The following GAB1 variants were observed in gnomAD, a reference collection of about 807,000 sequenced individuals.
GAB1 encodes GRB2-associated-binding protein 1.
Under a neutral mutation model 66.5 loss-of-function variants are expected in GAB1, and 19 were observed. That is an observed-to-expected ratio of 0.29 (90% CI 0.20 to 0.42). GAB1 has a LOEUF of 0.42. Ranked by LOEUF, GAB1 falls within the 10% of genes least tolerant of loss-of-function variation. The probability of loss-of-function intolerance (pLI) is 1.00; values close to 1 mark genes in which losing one functional copy is unlikely to be tolerated. For missense variants in GAB1, 732 were observed against 858.5 expected, an observed-to-expected ratio of 0.85 and a Z score of 1.84; for synonymous variants, 294 against 301.4, an observed-to-expected ratio of 0.98 and a Z score of 0.25.
At chr4:143,414,616 C>G (rs1392195232) in intron 1 of GAB1, among the ~76,000 whole-genome samples, 1 of 152,134 alleles carries the variant, frequency 6.6e-6, no homozygotes, top group Non-Finnish European at 1.5e-5. Flanking sequence ...GCTTCCCAGT[C>G]AAGAAGCCAG....
chr4:143,382,303 T>C (rs917780042), intron 1 of GAB1, among the ~76,000 whole-genome samples: 6 of 152,238 alleles, frequency 3.9e-5, no homozygotes, highest in Non-Finnish European at 8.8e-5. Flanking sequence ...ATTATAGATA[T>C]ATTCTAAAAC....
intron 1 of GAB1, among the ~76,000 whole-genome samples, chr4:143,414,957 T>C (rs1304780687): frequency 6.6e-6 from 1 of 152,196 alleles, no homozygotes. Flanking sequence ...CATTAAATAC[T>C]GTAATAACTC....
chr4:143,433,868 T>G lies in GAB1; in HGVS notation c.593+152T>G. The G allele has an allele frequency of 5.9e-6, 4 of 680,742 alleles. No homozygotes were observed. In the South Asian group the frequency reaches 7.8e-5, roughly 13 times the overall value. 42.2% of individuals were successfully genotyped at this position (680,742 alleles called of 1,614,324 possible). A position where few individuals can be genotyped will look rare whatever the true frequency, so the allele number is the denominator to read the frequency against. Reference sequence around the variant, plus strand: ...TATGTTTCAGGCTTTATATTTCAGGTTTACATTCCCCTATTGATTTCCGAT... The same window carrying G: ...TATGTTTCAGGCTTTATATTTCAGGGTTACATTCCCCTATTGATTTCCGAT... On this transcript the variant is annotated intron_variant, in intron 3 of 9. Coordinates refer to ENST00000262994, the MANE Select transcript of GAB1 (RefSeq NM_002039.4).
chr4:143,463,747 A>T (rs1005560457), intron 8 of GAB1, among the ~76,000 whole-genome samples: 2 of 152,226 alleles, frequency 1.3e-5, no homozygotes, highest in Admixed American at 6.5e-5. Context: ...GTGAAAGGCT[A>T]GAATACAGAC....
chr4:143,337,328 G>A, intron 1 of GAB1, 68 bp downstream of exon 1: 1 of 1,381,732 alleles, frequency 7.2e-7, no homozygotes, highest in East Asian at 2.5e-5. Context: ...CGGCTCGCCG[G>A]CGGCTGCAGC....
chr4:143,371,644 T>C (rs1730125877), intron 1 of GAB1, among the ~76,000 whole-genome samples: 1 of 152,214 alleles, frequency 6.6e-6, no homozygotes, highest in Admixed American at 6.5e-5. Flanking sequence ...TTCTGAATGG[T>C]ATTGCGTAGG....
At chr4:143,403,916 A>G (rs1337977131) in intron 1 of GAB1, among the ~76,000 whole-genome samples, 6 of 152,218 alleles carry the variant, frequency 3.9e-5, no homozygotes, top group African/African-American at 1.4e-4. Context: ...TTAAGAAGAA[A>G]ATGATATTTA....
At chr4:143,370,259 C>T (rs944765114) in intron 1 of GAB1, among the ~76,000 whole-genome samples, 1 of 152,206 alleles carries the variant, frequency 6.6e-6, no homozygotes, top group Non-Finnish European at 1.5e-5. Context: ...GTACAAATGG[C>T]TGCCTTATAG....
intron 1 of GAB1, among the ~76,000 whole-genome samples, chr4:143,339,591 G>A (rs1345924051): frequency 6.6e-6 from 1 of 152,226 alleles, no homozygotes; most frequent in Non-Finnish European, 1.5e-5. Flanking sequence ...ATACAAGAAT[G>A]AGGTGGACTA....
At chr4:143,360,445 T>G (rs1349982801) in intron 1 of GAB1, among the ~76,000 whole-genome samples, 1 of 152,210 alleles carries the variant, frequency 6.6e-6, no homozygotes, top group African/African-American at 2.4e-5. Flanking sequence ...AGTGGTTAAC[T>G]GTTAGATTTT....
chr4:143,361,193 T>C (rs931909959), intron 1 of GAB1, among the ~76,000 whole-genome samples: 15 of 152,314 alleles, frequency 9.8e-5, no homozygotes, highest in African/African-American at 3.6e-4. Flanking sequence ...GTGGATGCAT[T>C]TTAGGGTATA....
intron 6 of GAB1, among the ~76,000 whole-genome samples, chr4:143,446,363 C>G (rs576785586): frequency 6.6e-6 from 1 of 152,296 alleles, no homozygotes; most frequent in East Asian, 1.9e-4. Flanking sequence ...CCTGAGGAAT[C>G]GCCACACTGA....
intron 1 of GAB1, among the ~76,000 whole-genome samples, chr4:143,387,292 C>T (rs929801038): frequency 5.9e-5 from 9 of 152,072 alleles, no homozygotes; most frequent in Non-Finnish European, 1.2e-4. Flanking sequence ...CCACCACGCC[C>T]GGCTAATTTT....
chr4:143,428,949 A>G (rs79188621), intron 2 of GAB1, among the ~76,000 whole-genome samples: 37,702 of 151,428 alleles, frequency 0.25, 4,970 homozygotes, highest in South Asian at 0.31. Flanking sequence ...ATACATATGT[A>G]GTAAACCTGC....
chr4:143,454,782 C>T (rs192932461), intron 6 of GAB1, among the ~76,000 whole-genome samples: 5 of 152,310 alleles, frequency 3.3e-5, no homozygotes, highest in Non-Finnish European at 5.9e-5. Flanking sequence ...AACTTTCACA[C>T]ACCTTTCTCA....
intron 1 of GAB1, among the ~76,000 whole-genome samples, chr4:143,373,080 T>C (rs1235739946): frequency 2.9e-5 from 4 of 138,612 alleles, no homozygotes; most frequent in South Asian, 2.3e-4. Flanking sequence ...CACACACACA[T>C]CTGTGTTACT....
intron 1 of GAB1, among the ~76,000 whole-genome samples, chr4:143,384,712 A>G (rs529004300): frequency 6.6e-6 from 1 of 152,308 alleles, no homozygotes; most frequent in Non-Finnish European, 1.5e-5. Flanking sequence ...GGCTCTGTTC[A>G]GTCTGGTGTA....
chr4:143,421,740 G>A (rs534500205), intron 2 of GAB1, among the ~76,000 whole-genome samples: 37 of 127,492 alleles, frequency 2.9e-4, no homozygotes, highest in African/African-American at 1.0e-3. Flanking sequence ...CTGCTCCTGA[G>A]ATCTTGATTT....
At chr4:143,432,678 C>T (rs754347228) in intron 2 of GAB1, among the ~76,000 whole-genome samples, 6 of 152,148 alleles carry the variant, frequency 3.9e-5, no homozygotes, top group Non-Finnish European at 5.9e-5. Flanking sequence ...CCTAAACAGA[C>T]TAACAGCATT....
Sources: gnomAD v4.1 joint callset for allele counts (sites outside exome capture counted in the v4.1 genomes callset) on GRCh38, gnomAD v4.1.1 for gene constraint, MANE v1.5 for transcripts, NCBI Gene and HGNC (gene_info 2026-07-23, HGNC 2026-07-21) for gene names.